FLRT2: variants seen among roughly 807,000 people sequenced by gnomAD.
FLRT2 encodes leucine-rich repeat transmembrane protein FLRT2.
FLRT2 carries 15 observed loss-of-function variants against 40.0 expected under a neutral mutation model. The ratio of observed to expected loss-of-function variants is 0.38; its 90% CI spans 0.25 to 0.58. The LOEUF is 0.58. Ranked by LOEUF, FLRT2 falls within the 20% of genes least tolerant of loss-of-function variation. The pLI, the probability that FLRT2 is intolerant of heterozygous loss-of-function variation, is 0.71. For missense variants in FLRT2, 726 were observed against 840.0 expected (o/e 0.86, Z 1.68); for synonymous variants, 380 against 336.8 (o/e 1.13, Z -1.41).
At chr14:85,570,156 G>C (rs1408132034) in intron 1 of FLRT2, among the ~76,000 whole-genome samples, 1 of 151,958 alleles carries the variant, frequency 6.6e-6, no homozygotes, top group East Asian at 1.9e-4. Flanking sequence ...TTGTACCCTG[G>C]GCTCCTTTGA....
In FLRT2 at chr14:85,622,948, G is replaced by C; in HGVS notation, c.1434G>C (p.Leu478=). The C allele has an allele frequency of 6.2e-7, 1 of 1,614,170 alleles. No individual in the cohort carries two copies. Among genetic ancestry groups the C allele is most frequent in the Non-Finnish European group, 8.5e-7 (1 of 1,180,032 alleles). The change falls in exon 2 of 2, where the codon CTG becomes CTC. Residue 478 remains leucine (L), a synonymous_variant. Coordinates refer to ENST00000330753, the MANE Select transcript of FLRT2 (RefSeq NM_013231.6). ...ERIVSGEKQH[L]SLVNLEPRST... is the part of the protein sequence containing the mutation. The stretch of plus-strand genomic sequence containing the variant: ...TAGTCAGCGGTGAGAAGCAACACCT[G>C]AGCCTGGTTAACTTAGAGCCCCGAT...
intron 1 of FLRT2, among the ~76,000 whole-genome samples, chr14:85,570,757 A>G (rs948392456): frequency 2.0e-5 from 3 of 148,352 alleles, no homozygotes; most frequent in South Asian, 2.1e-4. Context: ...AATTTTTTGT[A>G]TTTTTTTTTA....
In FLRT2 at chr14:85,603,155, G is replaced by A. The variant is rs573782390; in HGVS notation, c.-376-17984G>A. Among the ~76,000 whole-genome samples the A allele has an allele frequency of 4.6e-5, 7 of 152,156 alleles. No individual in the cohort carries two copies. In the South Asian group the frequency reaches 8.3e-4, roughly 18 times the overall value. ...TATTAATTGGGCTTTCATCCTTGCCGTCCTCTCTCCTAAATAATGTGCAAG... is the reference window on the plus strand; with the variant it reads ...TATTAATTGGGCTTTCATCCTTGCCATCCTCTCTCCTAAATAATGTGCAAG... On this transcript the variant is annotated intron_variant, in intron 1 of 1. Coordinates refer to ENST00000330753, the MANE Select transcript of FLRT2 (RefSeq NM_013231.6).
Position 85,538,471 on chromosome 14 carries a change from G to T in FLRT2, c.-377+7937G>T, listed in dbSNP as rs544264449. Among the ~76,000 whole-genome samples, 8 of 152,144 alleles carry T rather than the reference G, an allele frequency of 5.3e-5. No homozygotes were observed. The East Asian group carries it at 1.4e-3, about 26-fold the overall frequency. On this transcript the variant is annotated intron_variant, in intron 1 of 1. Coordinates refer to ENST00000330753, the MANE Select transcript of FLRT2 (RefSeq NM_013231.6). ...ACTGAGCAGTTTTTCCCCCCACTTTGTTCCCAGGTTACTTTTAAGGGAATG... is the reference window on the plus strand; with the variant it reads ...ACTGAGCAGTTTTTCCCCCCACTTTTTTCCCAGGTTACTTTTAAGGGAATG...
rs1555373506 is a variant in FLRT2 at position 85,642,144 on chromosome 14, A to AAAAAAAAAG, written c.*18650_*18651insAAAAAGAAA. 1.3e-5 allele frequency: 2 copies of AAAAAAAAAG among 150,284 alleles called. No individual in the cohort carries two copies. The highest frequency in any genetic ancestry group is 4.9e-5 in the African/African-American group (2 of 40,900). 9.3% of individuals were successfully genotyped at this position (150,284 alleles called of 1,614,324 possible). A position where few individuals can be genotyped will look rare whatever the true frequency, so the allele number is the denominator to read the frequency against. On this transcript the variant is annotated 3_prime_UTR_variant, in exon 2 of 2. Transcript: ENST00000330753. ...AGGTTGCTGTTGACAAAAAAAAAAA[A>AAAAAAAAAG]AAAGAAAGAAAGAAAAAAATGGCAC...
chr14:85,550,986 A>T (rs533845596), intron 1 of FLRT2, among the ~76,000 whole-genome samples: 1 of 152,304 alleles, frequency 6.6e-6, no homozygotes, highest in South Asian at 2.1e-4. Flanking sequence ...CTCCTCCATG[A>T]TTCTGTCTTG....
intron 1 of FLRT2, among the ~76,000 whole-genome samples, chr14:85,535,780 T>C (rs1396927212): frequency 6.6e-6 from 1 of 151,936 alleles, no homozygotes; most frequent in East Asian, 1.9e-4. Flanking sequence ...GAAGATGAAA[T>C]TTCAAACATT....
chr14:85,646,482 G>A lies in FLRT2; in HGVS notation c.*22985G>A, dbSNP rs1894307618. The A allele has an allele frequency of 6.6e-6, 1 of 152,196 alleles. No homozygotes were observed. The highest frequency in any genetic ancestry group is 6.5e-5 in the Admixed American group (1 of 15,276). 9.4% of individuals were successfully genotyped at this position (152,196 alleles called of 1,614,324 possible). A position where few individuals can be genotyped will look rare whatever the true frequency, so the allele number is the denominator to read the frequency against. Reference sequence around the variant, plus strand: ...AATCATGAGAAGGAAGGGAGGAAAGGATGAAGTAGGTTTGCAGTCCTCTTA... The same window carrying A: ...AATCATGAGAAGGAAGGGAGGAAAGAATGAAGTAGGTTTGCAGTCCTCTTA... On this transcript the variant is annotated 3_prime_UTR_variant, in exon 2 of 2. Coordinates refer to ENST00000330753, the MANE Select transcript of FLRT2 (RefSeq NM_013231.6).
intron 1 of FLRT2, among the ~76,000 whole-genome samples, chr14:85,558,665 A>G (rs1228859699): frequency 6.6e-6 from 1 of 152,182 alleles, no homozygotes; most frequent in East Asian, 1.9e-4. Flanking sequence ...TGACATCACA[A>G]AAGAGAGGGG....
At chr14:85,560,950 C>T (rs1407730237) in intron 1 of FLRT2, 1 of 152,144 alleles carries the variant, frequency 6.6e-6, no homozygotes, top group Admixed American at 6.5e-5. Flanking sequence ...TAACGATAAC[C>T]TTGTCACATT....
chr14:85,615,850 T>C (rs983344035), intron 1 of FLRT2, among the ~76,000 whole-genome samples: 1 of 149,908 alleles, frequency 6.7e-6, no homozygotes, highest in African/African-American at 2.5e-5. Context: ...TATTACGCGA[T>C]TGGCAATGCT....
At chr14:85,606,499 A>G (rs997654678) in intron 1 of FLRT2, among the ~76,000 whole-genome samples, 5 of 148,868 alleles carry the variant, frequency 3.4e-5, no homozygotes, top group African/African-American at 1.2e-4. Context: ...TACACGTTAC[A>G]TGTTACATGT....
chr14:85,538,406 G>C (rs1033399492), intron 1 of FLRT2, among the ~76,000 whole-genome samples: 1 of 152,160 alleles, frequency 6.6e-6, no homozygotes, highest in Non-Finnish European at 1.5e-5. Flanking sequence ...CATTCACAAA[G>C]TAACTCTCTG....
chr14:85,619,003 G>A (rs557123629), intron 1 of FLRT2, among the ~76,000 whole-genome samples: 1 of 152,048 alleles, frequency 6.6e-6, no homozygotes, highest in Admixed American at 6.5e-5. Context: ...AGTTTATAGA[G>A]AGGTTTCTTT....
chr14:85,585,184 A>G (rs79049265), intron 1 of FLRT2, among the ~76,000 whole-genome samples: 65 of 152,272 alleles, frequency 4.3e-4, no homozygotes, highest in African/African-American at 1.4e-3. Context: ...ATGTCCAGTC[A>G]TCTGTCATCA....
In FLRT2 at chr14:85,641,425, G is replaced by A. The variant is rs1894146214; in HGVS notation, c.*17928G>A. 6.6e-6 allele frequency: 1 copy of A among 152,194 alleles called. No individual in the cohort carries two copies. Among genetic ancestry groups the A allele is most frequent in the Admixed American group, 6.5e-5 (1 of 15,288 alleles). The allele number at this position is 152,194 out of a possible 1,614,324, so 9.4% of individuals were successfully genotyped here. ...CTCTTCTTACTAATGTCAGTCTTGG[G>A]CCCAAGAGGCCATCAGGCACGGTGC... On this transcript the variant is annotated 3_prime_UTR_variant, in exon 2 of 2. Coordinates refer to ENST00000330753, the MANE Select transcript of FLRT2 (RefSeq NM_013231.6).
intron 1 of FLRT2, among the ~76,000 whole-genome samples, chr14:85,607,243 AG>A (rs1892664554): frequency 6.6e-6 from 1 of 152,122 alleles, no homozygotes; most frequent in African/African-American, 2.4e-5. Flanking sequence ...TTTTGACCCA[AG>A]AGTCATGCTC....
chr14:85,610,666 G>A (rs9323770), intron 1 of FLRT2, among the ~76,000 whole-genome samples: 34,616 of 151,898 alleles, frequency 0.23, 4,223 homozygotes, highest in Middle Eastern at 0.28. Context: ...CCTAGACCTG[G>A]ACTTACTTAT....
chr14:85,599,875 A>G (rs1194243930), intron 1 of FLRT2, among the ~76,000 whole-genome samples: 1 of 152,180 alleles, frequency 6.6e-6, no homozygotes, highest in East Asian at 1.9e-4. Context: ...TAAATCCAAG[A>G]TCCGAATAAA....
Sources: gnomAD v4.1 joint callset for allele counts (sites outside exome capture counted in the v4.1 genomes callset) on GRCh38, gnomAD v4.1.1 for gene constraint, MANE v1.5 for transcripts, NCBI Gene and HGNC (gene_info 2026-07-23, HGNC 2026-07-21) for gene names.